Variants in NAV3 observed in about 807,000 individuals in gnomAD.
The protein encoded by NAV3 is pore membrane and/or filament interacting like protein 1.
A neutral mutation model predicts 244.7 loss-of-function variants in NAV3; 87 were observed. The ratio of observed to expected loss-of-function variants is 0.36; its 90% CI spans 0.30 to 0.42. The LOEUF is 0.42. Among genes scored for constraint, NAV3 ranks in the 20% least tolerant of loss-of-function variants. The pLI, the probability that NAV3 is intolerant of heterozygous loss-of-function variation, is 1.00. For synonymous variants in NAV3, 1,126 were observed against 1,042.2 expected, an observed-to-expected ratio of 1.08 and a Z score of -1.55; for missense variants, 2,663 against 2,893.3, an observed-to-expected ratio of 0.92 and a Z score of 1.83.
intron 12 of NAV3, among the ~76,000 whole-genome samples, chr12:78,084,034 G>A (rs867903827): frequency 2.5e-4 from 38 of 152,182 alleles, no homozygotes; most frequent in Middle Eastern, 3.4e-3. Flanking sequence ...GAATGTGATT[G>A]GATAAAACTA....
At chr12:77,762,511 G>T (rs1052891792) in intron 2 of NAV3, among the ~76,000 whole-genome samples, 12 of 152,110 alleles carry the variant, frequency 7.9e-5, no homozygotes, top group African/African-American at 2.9e-4. Context: ...GCTGTGGCAG[G>T]GGAATCGCTT....
In NAV3 at chr12:77,690,041, C is replaced by T. The variant is rs568176943; in HGVS notation, c.72+117775C>T. Among the ~76,000 whole-genome samples the T allele has an allele frequency of 3.7e-4, 56 of 151,764 alleles. 1 individual carries two copies. The South Asian group carries it at 0.011, about 29-fold the overall frequency. The stretch of plus-strand genomic sequence containing the variant: ...ACCAACATTAAGCTATTTTTTCCCT[C>T]TCATAGGTAAGTGGTTCTGTTACTT... On this transcript the variant is annotated intron_variant, in intron 2 of 8. Transcript: ENST00000550042.
At chr12:77,655,021 G>C (rs1165957790) in intron 2 of NAV3, among the ~76,000 whole-genome samples, 3 of 151,664 alleles carry the variant, frequency 2.0e-5, no homozygotes, top group Non-Finnish European at 4.4e-5. Context: ...AAACAGAGCA[G>C]AAAAACTGGA....
chr12:78,117,530 TTAATA>T (rs1168441844), intron 13 of NAV3, among the ~76,000 whole-genome samples: 1 of 148,648 alleles, frequency 6.7e-6, no homozygotes, highest in African/African-American at 2.4e-5. Flanking sequence ...ATATCAATAC[TTAATA>T]TAATATATAT....
chr12:77,693,791 A>T (rs1875150695), intron 2 of NAV3, among the ~76,000 whole-genome samples: 1 of 152,052 alleles, frequency 6.6e-6, no homozygotes, highest in African/African-American at 2.4e-5. Context: ...TCTTCTCTCA[A>T]GTCATCGTGC....
intron 2 of NAV3, among the ~76,000 whole-genome samples, chr12:77,668,214 C>T (rs73427437): frequency 6.6e-6 from 1 of 152,044 alleles, no homozygotes; most frequent in South Asian, 2.1e-4. Flanking sequence ...GTAATATGAC[C>T]AAACAAAGTT....
intron 2 of NAV3, among the ~76,000 whole-genome samples, chr12:77,672,178 G>A (rs1012044248): frequency 3.3e-5 from 5 of 152,022 alleles, no homozygotes; most frequent in Non-Finnish European, 2.9e-5. Flanking sequence ...TAACGATCAG[G>A]GAAATGCAAA....
At chr12:77,841,536 A>G (rs183926774) in intron 1 of NAV3, among the ~76,000 whole-genome samples, 80 of 152,316 alleles carry the variant, frequency 5.3e-4, no homozygotes, top group Middle Eastern at 3.4e-3. Flanking sequence ...ATGCTCTCAT[A>G]TAGTTAGGGG....
At chr12:77,754,346 A>G (rs1190024604) in intron 2 of NAV3, among the ~76,000 whole-genome samples, 1 of 152,142 alleles carries the variant, frequency 6.6e-6, no homozygotes, top group African/African-American at 2.4e-5. Context: ...AAGGTGGGAA[A>G]GGGATAACAA....
Position 78,177,138 on chromosome 12 carries a change from C to T in NAV3, c.5125-3C>T. 1 of 1,613,250 alleles carries T rather than the reference C, an allele frequency of 6.2e-7. No individual in the cohort carries two copies. Among genetic ancestry groups the T allele is most frequent in the East Asian group, 2.2e-5 (1 of 44,786 alleles). On this transcript the variant is annotated splice_polypyrimidine_tract_variant and splice_region_variant and intron_variant, in intron 26 of 39. Coordinates refer to ENST00000397909, the MANE Select transcript of NAV3 (RefSeq NM_001024383.2). ...AGAAGGGTAATTTCTGTCCTTGTTT[C>T]AGCTGAGAAGTTCTTTCAAACAAGC...
Position 78,119,855 on chromosome 12 carries a change from C to T in NAV3, c.3659C>T (p.Ser1220Phe), listed in dbSNP as rs781297578. 3.1e-6 allele frequency: 5 copies of T among 1,614,154 alleles called. No homozygotes were observed. The highest frequency in any genetic ancestry group is 2.5e-6 in the Non-Finnish European group (3 of 1,180,022). ...GTTTCTTTGTCAGGTTCCCCCAAAT[C>T]CAGCCCCACCTCTGCCAGCGCCTGT... ...ESVSLSGSPK[S>F]SPTSASACGA... The change falls in exon 15 of 40, where the codon TCC (serine) becomes TTC (phenylalanine). Residue 1220 changes from serine (S) to phenylalanine (F), a missense_variant. Coordinates refer to ENST00000397909, the MANE Select transcript of NAV3 (RefSeq NM_001024383.2).
chr12:77,664,748 A>G (rs541756367), intron 2 of NAV3, among the ~76,000 whole-genome samples: 13 of 152,348 alleles, frequency 8.5e-5, no homozygotes, highest in African/African-American at 2.9e-4. Context: ...AGATTAAAAA[A>G]TGAAAGAAAC....
chr12:77,767,396 C>T (rs1869831199), intron 2 of NAV3, among the ~76,000 whole-genome samples: 1 of 152,200 alleles, frequency 6.6e-6, no homozygotes, highest in Non-Finnish European at 1.5e-5. Context: ...CTAGGGCCCA[C>T]AGGGCTTATT....
chr12:78,061,332 T>G (rs1884293224), intron 12 of NAV3, among the ~76,000 whole-genome samples: 1 of 152,198 alleles, frequency 6.6e-6, no homozygotes, highest in South Asian at 2.1e-4. Flanking sequence ...CCCTATTAGC[T>G]GTGTTCTGTC....
intron 1 of NAV3, among the ~76,000 whole-genome samples, chr12:77,871,235 A>G (rs539165681): frequency 1.3e-5 from 2 of 152,352 alleles, no homozygotes; most frequent in Admixed American, 6.5e-5. Flanking sequence ...CTAAGTCAGC[A>G]TATAAGAAGA....
intron 1 of NAV3, among the ~76,000 whole-genome samples, chr12:77,922,898 A>T (rs1217411713): frequency 2.6e-5 from 4 of 152,122 alleles, no homozygotes; most frequent in Admixed American, 2.6e-4. Context: ...CTGAAATCAG[A>T]TCACCCTTAT....
At chr12:77,659,836 C>T (rs541033369) in intron 2 of NAV3, among the ~76,000 whole-genome samples, 1 of 152,160 alleles carries the variant, frequency 6.6e-6, no homozygotes, top group South Asian at 2.1e-4. Context: ...TGGAAAGCAT[C>T]ATTCTCAGTA....
At chr12:77,577,879 T>A (rs201116839) in intron 2 of NAV3, among the ~76,000 whole-genome samples, 1 of 152,142 alleles carries the variant, frequency 6.6e-6, no homozygotes, top group East Asian at 1.9e-4. Flanking sequence ...CTAAAATATG[T>A]CCCATTTGTT....
At chr12:77,671,345 A>G (rs1046447271) in intron 2 of NAV3, among the ~76,000 whole-genome samples, 5 of 152,138 alleles carry the variant, frequency 3.3e-5, no homozygotes, top group Non-Finnish European at 7.4e-5. Flanking sequence ...GCCAAAAGCA[A>G]TCTACAAATT....
Sources: gnomAD v4.1 joint callset for allele counts (sites outside exome capture counted in the v4.1 genomes callset) on GRCh38, gnomAD v4.1.1 for gene constraint, MANE v1.5 for transcripts, NCBI Gene and HGNC (gene_info 2026-07-23, HGNC 2026-07-21) for gene names.